LPO: variants seen among roughly 807,000 people sequenced by gnomAD.
LPO encodes the protein salivary peroxidase.
LPO carries 70 observed loss-of-function variants against 68.4 expected under a neutral mutation model. The observed-to-expected ratio is 1.02, with a 90% CI of 0.84 to 1.25. The LOEUF (loss-of-function observed/expected upper bound fraction) is 1.25. Among genes scored for constraint, LPO ranks in the 50% most tolerant of loss-of-function variants. The probability of loss-of-function intolerance (pLI) is 0.00; values close to 1 mark genes in which losing one functional copy is unlikely to be tolerated. For synonymous variants in LPO, 360 were observed against 357.6 expected (o/e 1.01, Z -0.08); for missense variants, 873 against 908.4 (o/e 0.96, Z 0.50).
rs1484233878 is a variant in LPO, at chr17:58,239,436, C to T, written c.-3+697C>T. Among the ~76,000 whole-genome samples, 3 of 152,022 alleles carry T rather than the reference C, an allele frequency of 2.0e-5. 1 individual carries two copies. In the South Asian group the frequency reaches 6.2e-4, roughly 32 times the overall value. On this transcript the variant is annotated intron_variant, in intron 1 of 12. Transcript: ENST00000262290. ...ATGCAATTGTGTGCCTCAAATCTTT[C>T]AGTTGAAGTAGATTATTTCCGCTCT...
chr17:58,254,653 C>A (rs945708063), intron 8 of LPO, 158 bp from the exon 9 acceptor site: 25 of 633,022 alleles, frequency 3.9e-5, no homozygotes, highest in Admixed American at 1.5e-4. Flanking sequence ...GATTCAGTAC[C>A]CCCTCCCCAT....
At chr17:58,247,674 G>T (rs373961381) in intron 4 of LPO, 36 bp downstream of exon 4, 104 of 1,602,128 alleles carry the variant, frequency 6.5e-5, no homozygotes, top group Admixed American at 1.7e-4. Context: ...TGGCAGGAAG[G>T]GGTCATCTCC....
At chr17:58,260,786 C>T (rs1970161255) in intron 9 of LPO, among the ~76,000 whole-genome samples, 1 of 152,094 alleles carries the variant, frequency 6.6e-6, no homozygotes, top group Non-Finnish European at 1.5e-5. Flanking sequence ...ATAAATTTCC[C>T]TCTTAGCACT....
intron 2 of LPO, chr17:58,243,667 C>A: frequency 2.5e-6 from 1 of 397,750 alleles, no homozygotes. Context: ...TCCACAAGAC[C>A]ATCTCACCAG....
chr17:58,263,479 C>A (rs928803945), intron 9 of LPO, among the ~76,000 whole-genome samples: 3 of 152,210 alleles, frequency 2.0e-5, no homozygotes, highest in Admixed American at 2.0e-4. Context: ...TGGCTCACGC[C>A]TGTAATTCCA....
rs771008787 is a variant in LPO, at chr17:58,252,486, G to A, written c.1085G>A (p.Arg362His). 28 of 1,611,822 alleles carry A rather than the reference G, an allele frequency of 1.7e-5. No homozygotes were observed. The highest frequency in any genetic ancestry group is 3.3e-5 in the South Asian group (3 of 91,068). ...SPCEFINTTARVPCFLAGDSR... is the reference protein window; with the variant it reads ...SPCEFINTTAHVPCFLAGDSR... Reference sequence around the variant, plus strand: ...TGTGAGTTCATCAACACCACTGCCCGTGTGCCCTGCTTCCTGGCAGGTGAG... The same window carrying A: ...TGTGAGTTCATCAACACCACTGCCCATGTGCCCTGCTTCCTGGCAGGTGAG... The change falls in exon 8 of 13, where the codon CGT becomes CAT. Residue 362 changes from arginine (R) to histidine (H), a missense_variant. By Grantham distance (29) the Arg-to-His change is conservative (BLOSUM62 0). Coordinates refer to ENST00000262290, the MANE Select transcript of LPO (RefSeq NM_006151.3).
At chr17:58,255,228 C>T (rs1053784165) in intron 9 of LPO, among the ~76,000 whole-genome samples, 1 of 152,300 alleles carries the variant, frequency 6.6e-6, no homozygotes, top group South Asian at 2.1e-4. Context: ...CTTCAGTGTG[C>T]CTGCCTGGGT....
At position 58,249,081 on chromosome 17, in the gene LPO, C is replaced by T. The variant is rs762108651; in HGVS notation, c.347C>T (p.Ser116Leu). The part of the protein sequence containing the change: ...NVTDPSLDLT[S>L]LSLEVGCGAP... ...TCAGATCCCAGCCTGGACTTGACTT[C>T]ACTGTCTCTGGAGGTGGGCTGTGGT... The change falls in exon 5 of 13, where the codon TCA (serine) becomes TTA (leucine). Residue 116 changes from serine to leucine, a missense_variant. Transcript: ENST00000262290. The T allele has an allele frequency of 6.2e-7, 1 of 1,614,212 alleles. No homozygotes were observed. The highest frequency in any genetic ancestry group is 8.5e-7 in the Non-Finnish European group (1 of 1,180,026).
intron 1 of LPO, among the ~76,000 whole-genome samples, chr17:58,240,655 G>A (rs1969737707): frequency 6.6e-6 from 1 of 152,192 alleles, no homozygotes; most frequent in Admixed American, 6.5e-5. Flanking sequence ...TTCCAGTGAG[G>A]AGAGCATGAA....
In LPO at chr17:58,268,364, C is replaced by T. The variant is rs548270637; in HGVS notation, c.*370C>T. ...CTGGGCCAGGACTTCAGCCTGCCTC[C>T]GAGGGTCCCCTGTGGCACCTAGCAT... is the stretch of plus-strand genomic sequence containing the variant. On this transcript the variant is annotated 3_prime_UTR_variant, in exon 13 of 13. Coordinates refer to ENST00000262290, the MANE Select transcript of LPO (RefSeq NM_006151.3). The T allele has an allele frequency of 1.4e-4, 38 of 278,928 alleles. No homozygotes were observed. The highest frequency in any genetic ancestry group is 1.3e-3 in the South Asian group (31 of 24,522). 17.3% of individuals were successfully genotyped at this position (278,928 alleles called of 1,614,324 possible). A position where few individuals can be genotyped will look rare whatever the true frequency, so the allele number is the denominator to read the frequency against.
chr17:58,263,212 T>A (rs1248710936), intron 9 of LPO, among the ~76,000 whole-genome samples: 2 of 152,262 alleles, frequency 1.3e-5, no homozygotes, highest in African/African-American at 4.8e-5. Flanking sequence ...TTTGCTATGA[T>A]ACTGTATTTG....
chr17:58,249,398 G>GC, intron 5 of LPO, 168 bp from the exon 6 acceptor site: 1 of 1,111,280 alleles, frequency 9.0e-7, no homozygotes, highest in Non-Finnish European at 1.2e-6. Context: ...GGGCGGGGGA[G>GC]CCCCGCGCCT....
chr17:58,242,914 T>A, intron 1 of LPO, 64 bp from the exon 2 acceptor site: 1 of 1,404,106 alleles, frequency 7.1e-7, no homozygotes, highest in East Asian at 2.3e-5. Context: ...CTGCTTTCTG[T>A]GGTTCAAACC....
At chr17:58,249,507 G>A in intron 5 of LPO, 59 bp from the exon 6 acceptor site, 1 of 1,579,032 alleles carries the variant, frequency 6.3e-7, no homozygotes, top group Non-Finnish European at 8.5e-7. Flanking sequence ...ATGGGGTCCT[G>A]GGCTTTGGAG....
chr17:58,251,060 C>T (rs2143907940), intron 7 of LPO: 1 of 182,328 alleles, frequency 5.5e-6, no homozygotes, highest in Non-Finnish European at 1.2e-5. Flanking sequence ...GGACAGATCA[C>T]CTGAGGTCAA....
rs1244148921 is a variant in LPO, at chr17:58,247,612, A to G, written c.299A>G (p.Gln100Arg). The change falls in exon 4 of 13, where the codon CAG becomes CGG. Residue 100 changes from glutamine to arginine, a missense_variant. By Grantham distance (43) the Gln-to-Arg change is conservative. Transcript: ENST00000262290. ...VWEESLKRLR[Q>R]KASLTNVTDP... ...GAGGAGTCTTTAAAGAGACTGAGGC[A>G]GAAGGCATCCTTGACCAATGTCACA... is the stretch of plus-strand genomic sequence containing the variant. 1 of 1,614,090 alleles carries G rather than the reference A, an allele frequency of 6.2e-7. No individual in the cohort carries two copies. The highest frequency in any genetic ancestry group is 1.1e-5 in the South Asian group (1 of 91,072).
rs1375026804 is a variant in LPO at position 58,268,232 on chromosome 17, GC to G, written c.*241del. On this transcript the variant is annotated 3_prime_UTR_variant, in exon 13 of 13. Coordinates refer to ENST00000262290, the MANE Select transcript of LPO (RefSeq NM_006151.3). Reference sequence around the variant, plus strand: ...TGTCAAGACTTAGCCCCGCTGAGATGCCCTTCTGCTCCAGCTTGCTGGATGT... The same window carrying G: ...TGTCAAGACTTAGCCCCGCTGAGATGCCTTCTGCTCCAGCTTGCTGGATGT... 1.9e-6 allele frequency: 1 copy of G among 538,340 alleles called. No individual in the cohort carries two copies. The highest frequency in any genetic ancestry group is 1.9e-5 in the African/African-American group (1 of 52,478). 33.3% of individuals were successfully genotyped at this position (538,340 alleles called of 1,614,324 possible).
chr17:58,268,221 C>T lies in LPO; in HGVS notation c.*227C>T. ...CTTCTCCTTTCTGTCAAGACTTAGC[C>T]CCGCTGAGATGCCCTTCTGCTCCAG... On this transcript the variant is annotated 3_prime_UTR_variant, in exon 13 of 13. Transcript: ENST00000262290. 1 of 556,034 alleles carries T rather than the reference C, an allele frequency of 1.8e-6. No homozygotes were observed. The allele number at this position is 556,034 out of a possible 1,614,324, so 34.4% of individuals were successfully genotyped here.
intron 9 of LPO, among the ~76,000 whole-genome samples, chr17:58,260,975 T>C (rs1970164296): frequency 6.6e-6 from 1 of 152,242 alleles, no homozygotes; most frequent in Non-Finnish European, 1.5e-5. Flanking sequence ...TTTGATTCCA[T>C]CATGATCAGA....
Sources: gnomAD v4.1 joint callset for allele counts (sites outside exome capture counted in the v4.1 genomes callset) on GRCh38, gnomAD v4.1.1 for gene constraint, MANE v1.5 for transcripts, NCBI Gene and HGNC (gene_info 2026-07-23, HGNC 2026-07-21) for gene names.